The following DMD variants were observed in gnomAD, a reference collection of about 807,000 sequenced individuals.
DMD encodes the protein mutant dystrophin.
Under a neutral mutation model 330.1 loss-of-function variants are expected in DMD, and 63 were observed. That is an observed-to-expected ratio of 0.19 (90% CI 0.16 to 0.24). The LOEUF (loss-of-function observed/expected upper bound fraction) is 0.24, where lower values mean the gene tolerates loss of function less well. Among genes scored for constraint, DMD ranks in the 10% least tolerant of loss-of-function variants. The pLI is 1.00. For missense variants in DMD, 3,344 were observed against 2,684.1 expected (o/e 1.25, Z -5.43); for synonymous variants, 1,223 against 959.8 (o/e 1.27, Z -5.07).
At chrX:31,312,402 A>G (rs748561592) in intron 62 of DMD, among the ~76,000 whole-genome samples, 2 of 112,625 alleles carry the variant, frequency 1.8e-5, no homozygotes, top group Non-Finnish European at 3.7e-5. Flanking sequence ...GAAAACCACA[A>G]TGAGATACCA....
chrX:32,740,644 C>A (rs973410790), intron 7 of DMD, among the ~76,000 whole-genome samples: 3 of 111,409 alleles, frequency 2.7e-5, no homozygotes, highest in Non-Finnish European at 5.7e-5. Context: ...GTTTATGACA[C>A]AAAATTGGCC....
chrX:32,314,625 CTT>C (rs772375869), intron 41 of DMD, among the ~76,000 whole-genome samples: 9 of 111,139 alleles, frequency 8.1e-5, no homozygotes, highest in African/African-American at 2.9e-4. Context: ...TGAGAGAAAA[CTT>C]TTGCAATCTA....
intron 1 of DMD, among the ~76,000 whole-genome samples, chrX:33,285,200 A>G (rs1402507185): frequency 1.8e-5 from 2 of 111,936 alleles, no homozygotes; most frequent in Non-Finnish European, 3.8e-5. Context: ...CATTTTTAAA[A>G]AAGAAAACCA....
chrX:32,718,025 C>T (rs979264066), intron 7 of DMD, among the ~76,000 whole-genome samples: 2 of 111,444 alleles, frequency 1.8e-5, no homozygotes, highest in East Asian at 5.7e-4. Context: ...GTTGAAGGGA[C>T]TTGCCTTAGT....
At chrX:32,739,410 G>T (rs1257058270) in intron 7 of DMD, among the ~76,000 whole-genome samples, 2 of 111,685 alleles carry the variant, frequency 1.8e-5, no homozygotes, top group African/African-American at 6.5e-5. Flanking sequence ...CTTGAAAACA[G>T]TTCATGAAAC....
At chrX:33,105,924 C>T (rs1305430125) in intron 1 of DMD, among the ~76,000 whole-genome samples, 1 of 110,949 alleles carries the variant, frequency 9.0e-6, no homozygotes, top group African/African-American at 3.3e-5. Flanking sequence ...TACTGCATAT[C>T]TACCAAAATA....
intron 44 of DMD, among the ~76,000 whole-genome samples, chrX:32,152,500 T>C (rs2096809468): frequency 9.0e-6 from 1 of 111,377 alleles, no homozygotes; most frequent in Admixed American, 9.6e-5. Context: ...AAAATGTTCC[T>C]GGATTCTATA....
At chrX:32,883,157 G>T (rs1224243555) in intron 2 of DMD, among the ~76,000 whole-genome samples, 2 of 111,901 alleles carry the variant, frequency 1.8e-5, no homozygotes. Flanking sequence ...TAGTCATACA[G>T]ATTAAAGAAC....
chrX:31,478,387 T>C lies in DMD; in HGVS notation c.8669-13A>G, dbSNP rs781319726. 1.7e-6 allele frequency: 2 copies of C among 1,211,503 alleles called. No homozygotes were observed. The highest frequency in any genetic ancestry group is 2.2e-6 in the Non-Finnish European group (2 of 895,365). On this transcript the variant is annotated splice_polypyrimidine_tract_variant and intron_variant, in intron 58 of 78. Coordinates refer to ENST00000357033, the MANE Select transcript of DMD (RefSeq NM_004006.3). ...TCAGGAGGCAGCTCTAAATTGGCAATATGACAAGGTTTTAGGCCACATTCT... is the reference window on the plus strand; with the variant it reads ...TCAGGAGGCAGCTCTAAATTGGCAACATGACAAGGTTTTAGGCCACATTCT...
intron 7 of DMD, among the ~76,000 whole-genome samples, chrX:32,712,200 A>T (rs2065250600): frequency 9.0e-6 from 1 of 111,619 alleles, no homozygotes; most frequent in African/African-American, 3.3e-5. Context: ...TATGCTGGAC[A>T]CTGCAGCTGA....
chrX:33,148,844 G>A lies in DMD; in HGVS notation c.31+62438C>T, dbSNP rs775499838. Among the ~76,000 whole-genome samples the A allele has an allele frequency of 1.4e-4, 16 of 111,424 alleles. No homozygotes were observed. The East Asian group carries it at 2.8e-3, about 20-fold the overall frequency. On this transcript the variant is annotated intron_variant, in intron 1 of 78. Coordinates refer to ENST00000357033, the MANE Select transcript of DMD (RefSeq NM_004006.3). ...GAAATCTCTCTATGAGAGATAAATCGTATGCTTTGGCGGATTAAAGATAGC... is the reference window on the plus strand; with the variant it reads ...GAAATCTCTCTATGAGAGATAAATCATATGCTTTGGCGGATTAAAGATAGC...
chrX:32,565,291 C>A (rs149494505), intron 16 of DMD, among the ~76,000 whole-genome samples: 2 of 111,776 alleles, frequency 1.8e-5, no homozygotes, highest in Admixed American at 9.5e-5. Flanking sequence ...GTTCTCCTAC[C>A]ACTAACTTCT....
At chrX:32,624,140 C>T (rs12557761) in intron 11 of DMD, among the ~76,000 whole-genome samples, 4,153 of 111,667 alleles carry the variant, frequency 0.037, 80 homozygotes, top group African/African-American at 0.073. Flanking sequence ...ATCTACCATG[C>T]ACAGATAGGA....
At chrX:31,792,600 A>T (rs1603468243) in intron 50 of DMD, among the ~76,000 whole-genome samples, 1 of 112,312 alleles carries the variant, frequency 8.9e-6, no homozygotes, top group African/African-American at 3.2e-5. Context: ...CTTAGTAACG[A>T]AGCAGGATAT....
intron 7 of DMD, among the ~76,000 whole-genome samples, chrX:32,720,700 T>A (rs2066206073): frequency 8.9e-6 from 1 of 111,835 alleles, no homozygotes; most frequent in Non-Finnish European, 1.9e-5. Flanking sequence ...GCGATAGACA[T>A]TTTAACTAGC....
Position 32,233,279 on chromosome X carries a change from G to A in DMD, c.6291-16216C>T, listed in dbSNP as rs139244882. ...TTTGACTTCCAAATGCCAGCATTTG[G>A]ATTTCATTACCTATGGAATCTTTCT... On this transcript the variant is annotated intron_variant, in intron 43 of 78. Transcript: ENST00000357033. Among the ~76,000 whole-genome samples, 636 of 111,208 alleles carry A rather than the reference G, an allele frequency of 5.7e-3. 3 individuals are homozygous for A. Among genetic ancestry groups the A allele is most frequent in the African/African-American group, 0.019 (596 of 30,607 alleles).
chrX:31,158,084 T>C (rs7882450), intron 74 of DMD, among the ~76,000 whole-genome samples: 6,191 of 111,207 alleles, frequency 0.056, 383 homozygotes, highest in African/African-American at 0.18. Flanking sequence ...GGTTTACAGG[T>C]GTGAGCCACC....
intron 18 of DMD, among the ~76,000 whole-genome samples, chrX:32,503,590 C>T (rs2044279551): frequency 1.8e-5 from 2 of 111,574 alleles, no homozygotes; most frequent in Non-Finnish European, 3.8e-5. Flanking sequence ...GAGTCTCACT[C>T]TGTCGCCCAG....
intron 45 of DMD, among the ~76,000 whole-genome samples, chrX:31,949,524 T>C (rs1173288662): frequency 9.0e-6 from 1 of 111,505 alleles, no homozygotes; most frequent in Non-Finnish European, 1.9e-5. Flanking sequence ...TTATCAGATC[T>C]AGCAGTTATT....
Sources: allele counts gnomAD v4.1 joint callset (sites outside exome capture counted in the v4.1 genomes callset), GRCh38; gene constraint gnomAD v4.1.1; transcripts MANE v1.5; gene names NCBI Gene and HGNC (gene_info 2026-07-23, HGNC 2026-07-21).